The following PLAT variants were observed in gnomAD, a reference collection of about 807,000 sequenced individuals.
PLAT encodes the protein tissue-type plasminogen activator.
PLAT carries 48 observed loss-of-function variants against 74.9 expected under a neutral mutation model. The observed-to-expected ratio is 0.64, with a 90% CI of 0.51 to 0.82. The LOEUF is 0.82. Ranked by LOEUF, PLAT falls within the 40% of genes least tolerant of loss-of-function variation. The pLI is 0.00. For missense variants in PLAT, 673 were observed against 736.2 expected (o/e 0.91, Z 0.99); for synonymous variants, 307 against 294.4 (o/e 1.04, Z -0.44).
At chr8:42,194,241 A>AGAGAGT (rs1419569830) in intron 1 of PLAT, among the ~76,000 whole-genome samples, 44 of 52,576 alleles carry the variant, frequency 8.4e-4, no homozygotes, top group Admixed American at 2.3e-3. Context: ...AGAGAGAGAG[A>AGAGAGT]GTGTGTGTGT....
chr8:42,206,106 G>A (rs1426909858), intron 1 of PLAT, among the ~76,000 whole-genome samples: 2 of 152,196 alleles, frequency 1.3e-5, no homozygotes, highest in Admixed American at 1.3e-4. Flanking sequence ...GGGAGAATCC[G>A]ACGCGAGTCA....
At chr8:42,177,678 A>C (rs1367438857) in intron 13 of PLAT, among the ~76,000 whole-genome samples, 1 of 152,234 alleles carries the variant, frequency 6.6e-6, no homozygotes, top group Non-Finnish European at 1.5e-5. Flanking sequence ...TATTGAATTA[A>C]AATGATTTGG....
chr8:42,201,961 T>C (rs935137581), intron 1 of PLAT, among the ~76,000 whole-genome samples: 7 of 152,250 alleles, frequency 4.6e-5, no homozygotes, highest in African/African-American at 1.7e-4. Context: ...TTTCTCTTTT[T>C]GGTGAACATG....
intron 4 of PLAT, chr8:42,188,490 A>C (rs1298103158): frequency 6.0e-6 from 1 of 167,724 alleles, no homozygotes; most frequent in African/African-American, 2.4e-5. Flanking sequence ...CCTAAGGCCG[A>C]ACAGGCCTGG....
intron 1 of PLAT, among the ~76,000 whole-genome samples, chr8:42,205,115 A>G (rs1356952592): frequency 6.6e-6 from 1 of 152,202 alleles, no homozygotes; most frequent in Non-Finnish European, 1.5e-5. Flanking sequence ...GTTCTGCTGA[A>G]CTTCACCTTG....
intron 7 of PLAT, 31 bp from the exon 8 acceptor site, chr8:42,182,921 AAAAC>A (rs1564128266): frequency 1.3e-6 from 2 of 1,584,930 alleles, no homozygotes; most frequent in South Asian, 1.1e-5. Context: ...AACTGAAACA[AAAAC>A]AAATTCTGAA....
intron 8 of PLAT, 98 bp from the exon 9 acceptor site, chr8:42,182,120 C>T (rs1265713607): frequency 1.5e-5 from 11 of 724,012 alleles, no homozygotes; most frequent in Non-Finnish European, 2.6e-5. Flanking sequence ...TGGTCTTGAA[C>T]TCCTGGGCTC....
At position 42,180,222 on chromosome 8, in the gene PLAT, C is replaced by T. The variant is rs1554713212; in HGVS notation, c.1222+20G>A. On this transcript the variant is annotated intron_variant, in intron 11 of 13. Transcript: ENST00000220809. ...TTGTGTGATCTGTATGAACTGGAGC[C>T]GGGAATGACGAGCTCTTACCAATGT... 1.9e-6 allele frequency: 3 copies of T among 1,613,618 alleles called. No homozygotes were observed. The highest frequency in any genetic ancestry group is 1.3e-5 in the African/African-American group (1 of 74,928).
At chr8:42,203,749 G>C (rs1806219870) in intron 1 of PLAT, among the ~76,000 whole-genome samples, 1 of 152,076 alleles carries the variant, frequency 6.6e-6, no homozygotes, top group African/African-American at 2.4e-5. Flanking sequence ...AGGGTTGCTT[G>C]AGGCCAGGAG....
rs375776561 is a variant in PLAT at position 42,179,930 on chromosome 8, C to G, written c.1359G>C (p.Glu453Asp). The G allele has an allele frequency of 2.3e-5, 36 of 1,595,148 alleles. 1 individual carries two copies. In the South Asian group the frequency reaches 4.0e-4, roughly 18 times the overall value. Residue 453 changes from glutamate to aspartate, a missense_variant, in exon 12 of 14, where the codon GAG becomes GAC. Coordinates refer to ENST00000220809, the MANE Select transcript of PLAT (RefSeq NM_000930.5). The stretch of plus-strand genomic sequence containing the variant: ...CCGAGACTTCCTTCCACTTACAGGC[C>G]TCATGCTTGCCGTAGCCGGAGAGCT... ...ECELSGYGKH[E>D]ALSPFYSERL...
In PLAT at chr8:42,189,284, G is replaced by A. The variant is rs192727669; in HGVS notation, c.116-213C>T. 2.0e-3 allele frequency among the ~76,000 whole-genome samples: 311 copies of A among 152,222 alleles called. 3 individuals carry two copies. The highest frequency in any genetic ancestry group is 7.1e-3 in the African/African-American group (294 of 41,554). The stretch of plus-strand genomic sequence containing the variant: ...GGTAATCCCAGCACTTTGGGTGGCC[G>A]AGGTGGGTGAATCACTTGAGCTCAG... On this transcript the variant is annotated intron_variant, in intron 3 of 13. Coordinates refer to ENST00000220809, the MANE Select transcript of PLAT (RefSeq NM_000930.5).
At chr8:42,193,452 G>A (rs1023396199) in intron 1 of PLAT, among the ~76,000 whole-genome samples, 3 of 152,148 alleles carry the variant, frequency 2.0e-5, no homozygotes, top group African/African-American at 7.2e-5. Flanking sequence ...GTGGCATTAA[G>A]CACGTCATAT....
At chr8:42,176,337 T>C (rs1427196152) in intron 13 of PLAT, among the ~76,000 whole-genome samples, 186 bp from the exon 14 acceptor site, 1 of 152,226 alleles carries the variant, frequency 6.6e-6, no homozygotes, top group African/African-American at 2.4e-5. Context: ...GGGGACACTG[T>C]CTGCCTGGGT....
chr8:42,183,003 G>A (rs987083746), intron 7 of PLAT, 113 bp from the exon 8 acceptor site: 3 of 760,068 alleles, frequency 3.9e-6, no homozygotes, highest in African/African-American at 1.7e-5. Flanking sequence ...CGCTAGCCCG[G>A]CACTGAGAAG....
chr8:42,204,670 G>A (rs1340790280), intron 1 of PLAT, among the ~76,000 whole-genome samples: 1 of 147,716 alleles, frequency 6.8e-6, no homozygotes, highest in African/African-American at 2.5e-5. Flanking sequence ...AGCCAAGATT[G>A]TGCCACTGCA....
rs1805172744 is a variant in PLAT at position 42,180,232 on chromosome 8, G to A, written c.1222+10C>T. ...TGTATGAACTGGAGCCGGGAATGAC[G>A]AGCTCTTACCAATGTCATTGTCGTA... On this transcript the variant is annotated intron_variant, in intron 11 of 13. Transcript: ENST00000220809. 1.9e-6 allele frequency: 3 copies of A among 1,614,074 alleles called. No homozygotes were observed. Among genetic ancestry groups the A allele is most frequent in the Non-Finnish European group, 2.5e-6 (3 of 1,179,928 alleles).
chr8:42,202,073 G>A (rs997834783), intron 1 of PLAT, among the ~76,000 whole-genome samples: 2 of 152,136 alleles, frequency 1.3e-5, no homozygotes, highest in African/African-American at 4.8e-5. Flanking sequence ...AGACTGGAGT[G>A]CAGTGGCGTG....
intron 11 of PLAT, 56 bp downstream of exon 11, chr8:42,180,186 A>G: frequency 1.2e-6 from 2 of 1,607,740 alleles, no homozygotes; most frequent in South Asian, 1.1e-5. Flanking sequence ...AGGTGAGTGC[A>G]TGTGGGTGTG....
At chr8:42,178,363 C>T (rs899957365) in intron 13 of PLAT, among the ~76,000 whole-genome samples, 5 of 151,710 alleles carry the variant, frequency 3.3e-5, no homozygotes, top group South Asian at 2.1e-4. Flanking sequence ...CTCTGCCTCC[C>T]GGGTTCAAGC....
Sources: gnomAD v4.1 joint callset for allele counts (sites outside exome capture counted in the v4.1 genomes callset) on GRCh38, gnomAD v4.1.1 for gene constraint, MANE v1.5 for transcripts, NCBI Gene and HGNC (gene_info 2026-07-23, HGNC 2026-07-21) for gene names.